The following KIAA2012 variants were observed in gnomAD, a reference collection of about 807,000 sequenced individuals.
KIAA2012 encodes KIAA2012, also known as uncharacterized protein KIAA2012.
KIAA2012 carries 125 observed loss-of-function variants against 150.6 expected under a neutral mutation model. That is an observed-to-expected ratio of 0.83 (90% CI 0.72 to 0.96). KIAA2012 has a LOEUF of 0.96. KIAA2012 is among the 40% of genes least tolerant of loss of function. The probability of loss-of-function intolerance (pLI) is 0.00; values close to 1 mark genes in which losing one functional copy is unlikely to be tolerated. For synonymous variants in KIAA2012, 462 were observed against 504.7 expected (o/e 0.92, Z 1.13); for missense variants, 1,219 against 1,354.9 (o/e 0.90, Z 1.57).
chr2:202,165,884 C>T (rs144707713), intron 15 of KIAA2012, among the ~76,000 whole-genome samples: 3 of 152,142 alleles, frequency 2.0e-5, no homozygotes, highest in Non-Finnish European at 4.4e-5. Context: ...GGATACCAGA[C>T]AACAATATAT....
At chr2:202,100,566 C>A (rs1466305409) in intron 7 of KIAA2012, 117 bp downstream of exon 7, 3 of 1,203,158 alleles carry the variant, frequency 2.5e-6, no homozygotes, top group Non-Finnish European at 3.4e-6. Context: ...AGAGAACTGG[C>A]CTCTCTAGCG....
chr2:202,081,963 C>T (rs752754107), intron 2 of KIAA2012, among the ~76,000 whole-genome samples: 1 of 152,124 alleles, frequency 6.6e-6, no homozygotes, highest in Non-Finnish European at 1.5e-5. Context: ...AACATCAACA[C>T]ATTACCTGTC....
In KIAA2012 at chr2:202,190,268, G is replaced by A. The variant is rs141230332; in HGVS notation, c.2586G>A (p.Ala862=). The change falls in exon 19 of 24, where the codon GCG becomes GCA. Residue 862 remains alanine (A), a synonymous_variant. Coordinates refer to ENST00000498697, the MANE Select transcript of KIAA2012 (RefSeq NM_001277372.4). ...AGAAGGAAAGAAATCTGGAGATAGCGGCAGAGCTGAGCGGGCCTGATGTCA... is the reference window on the plus strand; with the variant it reads ...AGAAGGAAAGAAATCTGGAGATAGCAGCAGAGCTGAGCGGGCCTGATGTCA... ...RTQKERNLEI[A]AELSGPDVSY... 43 of 1,550,404 alleles carry A rather than the reference G, an allele frequency of 2.8e-5. No individual in the cohort carries two copies. In the Middle Eastern group the frequency reaches 1.0e-3, roughly 36 times the overall value.
intron 11 of KIAA2012, among the ~76,000 whole-genome samples, chr2:202,121,866 G>A (rs1690661771): frequency 1.3e-5 from 2 of 152,214 alleles, no homozygotes; most frequent in South Asian, 4.1e-4. Context: ...GCACAATCCA[G>A]GGGTATTCCA....
chr2:202,075,919 T>C (rs377037922), intron 2 of KIAA2012, among the ~76,000 whole-genome samples: 5 of 152,258 alleles, frequency 3.3e-5, no homozygotes, highest in African/African-American at 7.2e-5. Flanking sequence ...CTTTCACACA[T>C]TGGCTTTTCT....
At chr2:202,132,230 A>T (rs1351256911) in intron 12 of KIAA2012, among the ~76,000 whole-genome samples, 1 of 152,066 alleles carries the variant, frequency 6.6e-6, no homozygotes, top group Non-Finnish European at 1.5e-5. Flanking sequence ...TGATGGTGGG[A>T]CTCTGCTTAC....
chr2:202,115,269 C>T (rs532677450), intron 11 of KIAA2012: 11 of 152,190 alleles, frequency 7.2e-5, no homozygotes, highest in South Asian at 4.2e-4. Context: ...CCAACCACAC[C>T]GAACTCTTTG....
At chr2:202,116,348 G>A (rs1690523056) in intron 11 of KIAA2012, 1 of 152,322 alleles carries the variant, frequency 6.6e-6, no homozygotes, top group African/African-American at 2.4e-5. Flanking sequence ...TGTCGCACAG[G>A]CTAGAGTACA....
chr2:202,177,159 A>C (rs1336230743), intron 15 of KIAA2012, among the ~76,000 whole-genome samples: 1 of 152,224 alleles, frequency 6.6e-6, no homozygotes. Context: ...AGACTTATTA[A>C]GGGTTTTTTG....
At chr2:202,135,959 C>T in intron 12 of KIAA2012, 1 of 246,674 alleles carries the variant, frequency 4.1e-6, no homozygotes, top group Non-Finnish European at 8.6e-6. Context: ...AAAATGCTTT[C>T]AGGGCCTCAG....
intron 5 of KIAA2012, 104 bp from the exon 6 acceptor site, chr2:202,099,509 T>A: frequency 1.1e-6 from 1 of 915,252 alleles, no homozygotes; most frequent in Non-Finnish European, 1.6e-6. Flanking sequence ...CAAAAGAAAT[T>A]TCATCCTTGA....
intron 15 of KIAA2012, among the ~76,000 whole-genome samples, chr2:202,169,017 A>G (rs1230657178): frequency 1.3e-5 from 2 of 152,164 alleles, no homozygotes; most frequent in Non-Finnish European, 2.9e-5. Context: ...AGTGACTTCA[A>G]ACGAGATGGA....
intron 15 of KIAA2012, among the ~76,000 whole-genome samples, chr2:202,175,203 A>G (rs1014983840): frequency 1.3e-5 from 2 of 152,112 alleles, no homozygotes; most frequent in African/African-American, 4.8e-5. Flanking sequence ...GTAGTTTAAC[A>G]TGTTTCTCTG....
chr2:202,081,689 A>G (rs1689455530), intron 2 of KIAA2012, among the ~76,000 whole-genome samples: 1 of 151,976 alleles, frequency 6.6e-6, no homozygotes, highest in South Asian at 2.1e-4. Flanking sequence ...CTGGGATTAC[A>G]GGCATGCACC....
intron 13 of KIAA2012, among the ~76,000 whole-genome samples, chr2:202,148,940 C>A (rs1300296418): frequency 1.3e-5 from 2 of 152,176 alleles, no homozygotes; most frequent in Non-Finnish European, 2.9e-5. Flanking sequence ...CAGGTACGCT[C>A]AGCCCCACGT....
chr2:202,089,560 G>C (rs1000534820), intron 2 of KIAA2012, among the ~76,000 whole-genome samples: 4 of 152,140 alleles, frequency 2.6e-5, no homozygotes, highest in Non-Finnish European at 5.9e-5. Flanking sequence ...ATCCTTCCAG[G>C]CTATATTGTT....
intron 13 of KIAA2012, among the ~76,000 whole-genome samples, chr2:202,152,445 T>C (rs1490937652): frequency 1.3e-5 from 2 of 152,186 alleles, no homozygotes; most frequent in African/African-American, 4.8e-5. Flanking sequence ...ATTTCAGGCG[T>C]TGGAACTCGT....
chr2:202,163,304 A>G (rs1691695107), intron 14 of KIAA2012, among the ~76,000 whole-genome samples: 1 of 151,702 alleles, frequency 6.6e-6, no homozygotes. Context: ...GGTTTTGATC[A>G]TGTTGGCCAG....
In KIAA2012 at chr2:202,201,681, G is replaced by C. The variant is rs546382707; in HGVS notation, c.3408-748G>C. 1.2e-3 allele frequency: 1,941 copies of C among 1,609,386 alleles called. 1 individual carries two copies. The highest frequency in any genetic ancestry group is 2.8e-3 in the Middle Eastern group (17 of 6,000). ...AGACTGGGCCATGGGAAGATACAGA[G>C]AGGCTCCAGGAAAGCGGCCGACATG... On this transcript the variant is annotated intron_variant, in intron 22 of 23. Transcript: ENST00000498697.
Sources: allele counts gnomAD v4.1 joint callset (sites outside exome capture counted in the v4.1 genomes callset), GRCh38; gene constraint gnomAD v4.1.1; transcripts MANE v1.5; gene names NCBI Gene and HGNC (gene_info 2026-07-23, HGNC 2026-07-21).